The following PTPRT variants were observed in gnomAD, a reference collection of about 807,000 sequenced individuals.
PTPRT encodes the protein protein tyrosine phosphatase receptor type T.
In PTPRT, 56 loss-of-function variants were observed where a neutral mutation model predicts 176.8. That is an observed-to-expected ratio of 0.32 (90% CI 0.26 to 0.40). The LOEUF (loss-of-function observed/expected upper bound fraction) is 0.40. Among genes scored for constraint, PTPRT ranks in the 10% least tolerant of loss-of-function variants. The probability of loss-of-function intolerance (pLI) is 1.00; values close to 1 mark genes in which losing one functional copy is unlikely to be tolerated. For synonymous variants in PTPRT, 783 were observed against 739.0 expected (o/e 1.06, Z -0.96); for missense variants, 1,540 against 1,908.2 (o/e 0.81, Z 3.60).
intron 9 of PTPRT, among the ~76,000 whole-genome samples, chr20:42,434,669 A>G (rs2145812719): frequency 6.6e-6 from 1 of 151,234 alleles, no homozygotes; most frequent in African/African-American, 2.4e-5. Flanking sequence ...TAAGAAAAAA[A>G]AAAAAAAAGA....
chr20:42,234,797 G>A (rs537767170), intron 15 of PTPRT, among the ~76,000 whole-genome samples: 1 of 152,280 alleles, frequency 6.6e-6, no homozygotes, highest in African/African-American at 2.4e-5. Flanking sequence ...ATTGGTGATG[G>A]GGGCCCATTT....
chr20:42,297,243 A>G (rs1047295189), intron 12 of PTPRT, among the ~76,000 whole-genome samples: 1 of 152,182 alleles, frequency 6.6e-6, no homozygotes, highest in African/African-American at 2.4e-5. Flanking sequence ...TACAAAGTCA[A>G]TAGTAGTCAT....
intron 1 of PTPRT, among the ~76,000 whole-genome samples, chr20:43,090,738 CAT>C (rs2011808915): frequency 6.6e-6 from 1 of 151,590 alleles, no homozygotes; most frequent in African/African-American, 2.4e-5. Flanking sequence ...ATTTAGAAAA[CAT>C]AGACAAAATA....
intron 1 of PTPRT, among the ~76,000 whole-genome samples, chr20:42,978,761 A>G (rs1365503888): frequency 6.6e-6 from 1 of 152,090 alleles, no homozygotes; most frequent in African/African-American, 2.4e-5. Flanking sequence ...TCACTGCTAC[A>G]CTCCCGCCAG....
At chr20:42,295,450 G>C (rs1049013700) in intron 12 of PTPRT, among the ~76,000 whole-genome samples, 4 of 152,134 alleles carry the variant, frequency 2.6e-5, no homozygotes, top group African/African-American at 9.7e-5. Flanking sequence ...TTTCTTGAAG[G>C]ATCTACAGAA....
chr20:42,111,914 A>G (rs1010882868), intron 22 of PTPRT, among the ~76,000 whole-genome samples: 1 of 152,034 alleles, frequency 6.6e-6, no homozygotes, highest in African/African-American at 2.4e-5. Flanking sequence ...AGGCCTGGGG[A>G]CAGGGCTTAG....
chr20:42,248,815 G>A lies in PTPRT; in HGVS notation c.2184C>T (p.Ser728=). ...GCTCCACAGTGTTAGAATTCTGGGT[G>A]GAGGCACCTAGGAAGGGAAAGGGAA... ...NCVRLATKGA[S]TQNSNTVEPE... is the part of the protein sequence containing the mutation. Residue 728 remains serine (S), a synonymous_variant, in exon 14 of 31, where the codon TCC becomes TCT. Transcript: ENST00000373187. 2.5e-6 allele frequency: 4 copies of A among 1,613,786 alleles called. No individual in the cohort carries two copies. Among genetic ancestry groups the A allele is most frequent in the Non-Finnish European group, 3.4e-6 (4 of 1,179,752 alleles).
At chr20:42,377,748 C>T (rs1238603493) in intron 9 of PTPRT, among the ~76,000 whole-genome samples, 1 of 152,206 alleles carries the variant, frequency 6.6e-6, no homozygotes, top group African/African-American at 2.4e-5. Context: ...CGCTGAGCCT[C>T]AGTTCGCCAC....
intron 7 of PTPRT, among the ~76,000 whole-genome samples, chr20:42,623,130 A>G (rs930923814): frequency 1.3e-5 from 2 of 152,162 alleles, no homozygotes; most frequent in African/African-American, 4.8e-5. Flanking sequence ...AGACCCCCAC[A>G]TTCACTCTTT....
chr20:42,722,540 C>A (rs1432957674), intron 6 of PTPRT, among the ~76,000 whole-genome samples: 1 of 152,176 alleles, frequency 6.6e-6, no homozygotes, highest in African/African-American at 2.4e-5. Flanking sequence ...ACTTTCTGCA[C>A]CCTCGCTGGG....
intron 6 of PTPRT, among the ~76,000 whole-genome samples, chr20:42,688,859 G>C (rs1014305566): frequency 2.0e-5 from 3 of 152,160 alleles, no homozygotes; most frequent in Non-Finnish European, 4.4e-5. Context: ...GGCTGACTCT[G>C]CTATGTTTGG....
chr20:42,600,342 G>A (rs548712074), intron 7 of PTPRT, among the ~76,000 whole-genome samples: 37 of 152,258 alleles, frequency 2.4e-4, no homozygotes, highest in South Asian at 1.4e-3. Flanking sequence ...GTTTCACCGC[G>A]TTGGCGAAGC....
chr20:42,571,542 T>C (rs2073154060), intron 7 of PTPRT, among the ~76,000 whole-genome samples: 1 of 152,212 alleles, frequency 6.6e-6, no homozygotes, highest in Non-Finnish European at 1.5e-5. Flanking sequence ...TTGTGGTAAT[T>C]TGCTACAGCA....
chr20:43,160,909 G>T (rs968009729), intron 1 of PTPRT, among the ~76,000 whole-genome samples: 24 of 139,286 alleles, frequency 1.7e-4, no homozygotes, highest in Non-Finnish European at 2.6e-4. Context: ...AGTAACCAGT[G>T]AATTTTCTTT....
chr20:42,906,940 C>T (rs531064818), intron 1 of PTPRT, among the ~76,000 whole-genome samples: 107 of 152,212 alleles, frequency 7.0e-4, no homozygotes, highest in African/African-American at 2.2e-3. Flanking sequence ...TACTGTCAAC[C>T]CCCAAGTTCA....
chr20:42,727,206 C>G (rs981893066), intron 6 of PTPRT, among the ~76,000 whole-genome samples: 1 of 152,114 alleles, frequency 6.6e-6, no homozygotes, highest in African/African-American at 2.4e-5. Flanking sequence ...CTCCATCCCC[C>G]CCGTTCCAAT....
chr20:42,982,954 A>G (rs1983366711), intron 1 of PTPRT, among the ~76,000 whole-genome samples: 3 of 152,204 alleles, frequency 2.0e-5, no homozygotes, highest in African/African-American at 7.2e-5. Context: ...CGGGCATTAG[A>G]CGATCTTCCC....
chr20:43,066,559 A>T, intron 1 of PTPRT, among the ~76,000 whole-genome samples: 1 of 152,132 alleles, frequency 6.6e-6, no homozygotes, highest in Non-Finnish European at 1.5e-5. Context: ...ACAAACAGTT[A>T]TTTCTGGCTA....
At chr20:42,442,453 A>G (rs1033663790) in intron 9 of PTPRT, among the ~76,000 whole-genome samples, 1 of 152,188 alleles carries the variant, frequency 6.6e-6, no homozygotes, top group Non-Finnish European at 1.5e-5. Context: ...TCTGAATGCC[A>G]GGCACCTAGA....
Sources: gnomAD v4.1 joint callset for allele counts (sites outside exome capture counted in the v4.1 genomes callset) on GRCh38, gnomAD v4.1.1 for gene constraint, MANE v1.5 for transcripts, NCBI Gene and HGNC (gene_info 2026-07-23, HGNC 2026-07-21) for gene names.